The following HMGXB3 variants were observed in gnomAD, a reference collection of about 807,000 sequenced individuals.
The protein encoded by HMGXB3 is HMG domain-containing protein 3.
Under a neutral mutation model 121.5 loss-of-function variants are expected in HMGXB3, and 45 were observed. The ratio of observed to expected loss-of-function variants is 0.37; its 90% CI spans 0.29 to 0.47. The LOEUF is 0.47. Among genes scored for constraint, HMGXB3 ranks in the 20% least tolerant of loss-of-function variants. The pLI, the probability that HMGXB3 is intolerant of heterozygous loss-of-function variation, is 0.99. For synonymous variants in HMGXB3, 590 were observed against 624.1 expected, an observed-to-expected ratio of 0.95 and a Z score of 0.81; for missense variants, 1,376 against 1,602.2, an observed-to-expected ratio of 0.86 and a Z score of 2.41.
In HMGXB3 at chr5:150,006,553, A is replaced by G; in HGVS notation, c.218A>G (p.Asn73Ser). The G allele has an allele frequency of 1.3e-6, 2 of 1,552,214 alleles. No homozygotes were observed. The highest frequency in any genetic ancestry group is 1.7e-6 in the Non-Finnish European group (2 of 1,147,072). The change falls in exon 3 of 20, where the codon AAT becomes AGT. Residue 73 changes from asparagine to serine, a missense_variant. Physicochemically the swap from Asn to Ser is conservative, Grantham distance 46. Around this residue, in one of 2 missense-constraint regions of HMGXB3, gnomAD observed 1,116 missense variants for 1,369.0 expected, o/e 0.82. Transcript: ENST00000502717. ...ELPHLPQSEI[N>S]KKISESWRLL... ...CCCCACCTCCCTCAGTCTGAGATCA[A>G]TAAGAAGATTAGTGAGAGTTGGAGG...
chr5:150,031,346 A>G (rs187837567), intron 10 of HMGXB3, among the ~76,000 whole-genome samples: 108 of 152,354 alleles, frequency 7.1e-4, no homozygotes, highest in Non-Finnish European at 1.1e-3. Flanking sequence ...TAACGTCCTA[A>G]TGGACAAATG....
At chr5:150,040,976 GTC>G (rs1561881896) in intron 14 of HMGXB3, 97 bp downstream of exon 14, 2 of 1,182,440 alleles carry the variant, frequency 1.7e-6, no homozygotes, top group Admixed American at 3.3e-5. Context: ...TTGAAGAAGA[GTC>G]TGATTATTTT....
At chr5:150,032,710 G>A in intron 11 of HMGXB3, 107 bp downstream of exon 11, 4 of 1,313,928 alleles carry the variant, frequency 3.0e-6, no homozygotes, top group Non-Finnish European at 4.2e-6. Flanking sequence ...GGTAGTTAGA[G>A]CATCCAAACT....
chr5:150,002,811 C>A (rs1176229714), intron 1 of HMGXB3, among the ~76,000 whole-genome samples: 1 of 152,226 alleles, frequency 6.6e-6, no homozygotes, highest in East Asian at 1.9e-4. Context: ...TAGATCTGTG[C>A]TGTCTCTAGC....
At chr5:150,010,742 T>G (rs1755811838) in intron 4 of HMGXB3, 134 bp downstream of exon 4, 1 of 886,808 alleles carries the variant, frequency 1.1e-6, no homozygotes. Context: ...TGCAGTTCTC[T>G]TGAATGTGTC....
chr5:150,040,908 G>A, intron 14 of HMGXB3, 29 bp downstream of exon 14: 1 of 1,530,482 alleles, frequency 6.5e-7, no homozygotes, highest in Non-Finnish European at 8.8e-7. Context: ...CCTTTCCCAA[G>A]GTTAGTCCTA....
chr5:150,013,148 A>C (rs904957010), intron 5 of HMGXB3, among the ~76,000 whole-genome samples: 6 of 152,236 alleles, frequency 3.9e-5, no homozygotes, highest in Non-Finnish European at 5.9e-5. Flanking sequence ...AAGAGCAGAC[A>C]TCTTTGTCTT....
chr5:150,047,236 G>A (rs938790109), intron 16 of HMGXB3, among the ~76,000 whole-genome samples: 1 of 152,066 alleles, frequency 6.6e-6, no homozygotes, highest in Non-Finnish European at 1.5e-5. Context: ...TAGTTCTCTT[G>A]TGCTAGCCAG....
intron 11 of HMGXB3, among the ~76,000 whole-genome samples, chr5:150,034,280 C>G (rs1037988523): frequency 3.3e-5 from 5 of 152,160 alleles, no homozygotes; most frequent in South Asian, 2.1e-4. Flanking sequence ...TCTTAACTCC[C>G]TATGAGACCA....
At chr5:150,010,637 G>C (rs1231978903) in intron 4 of HMGXB3, 29 bp downstream of exon 4, 1 of 1,532,616 alleles carries the variant, frequency 6.5e-7, no homozygotes, top group South Asian at 1.2e-5. Context: ...GAAGTCTTTG[G>C]CTTTGTCTGG....
At chr5:150,030,705 G>A (rs949781609) in intron 9 of HMGXB3, 36 bp from the exon 10 acceptor site, 1 of 1,492,006 alleles carries the variant, frequency 6.7e-7, no homozygotes, top group Non-Finnish European at 9.2e-7. Flanking sequence ...TTTGGCTAAG[G>A]TTCAAAAGCA....
At chr5:150,019,829 A>G (rs1441934561) in intron 6 of HMGXB3, among the ~76,000 whole-genome samples, 1 of 152,190 alleles carries the variant, frequency 6.6e-6, no homozygotes, top group Non-Finnish European at 1.5e-5. Flanking sequence ...CTCTGGGGCA[A>G]TTTTCACATC....
At chr5:150,025,351 C>CAT in intron 7 of HMGXB3, among the ~76,000 whole-genome samples, 1 of 152,280 alleles carries the variant, frequency 6.6e-6, no homozygotes, top group Admixed American at 6.5e-5. Context: ...TTATTTGTAT[C>CAT]AATGGTTCTC....
At chr5:150,050,541 G>T in intron 19 of HMGXB3, 80 bp downstream of exon 19, 1 of 1,120,778 alleles carries the variant, frequency 8.9e-7, no homozygotes, top group South Asian at 1.4e-5. Context: ...GAGTGCAGTG[G>T]TGTTATCTCG....
chr5:150,011,593 G>GGTTTTTTTTGTT (rs1561852845), intron 4 of HMGXB3, among the ~76,000 whole-genome samples: 3 of 134,118 alleles, frequency 2.2e-5, no homozygotes, highest in African/African-American at 7.5e-5. Flanking sequence ...GTTGTTGGTT[G>GGTTTTTTTTGTT]TTTTTTTTTG....
chr5:150,026,642 A>G, intron 7 of HMGXB3, 64 bp from the exon 8 acceptor site: 1 of 1,384,786 alleles, frequency 7.2e-7, no homozygotes, highest in East Asian at 2.5e-5. Context: ...CTATGTAGAG[A>G]TTGCGCTTTG....
At position 150,030,807 on chromosome 5, in the gene HMGXB3, C is replaced by T. The variant is rs888659301; in HGVS notation, c.1801C>T (p.Pro601Ser). The T allele has an allele frequency of 3.9e-6, 6 of 1,551,936 alleles. No individual in the cohort carries two copies. The highest frequency in any genetic ancestry group is 3.9e-5 in the Admixed American group (2 of 50,982). The change falls in exon 10 of 20, where the codon CCT becomes TCT. Residue 601 changes from proline (P) to serine (S), a missense_variant. Transcript: ENST00000502717. ...KVVEVKPDMFPPYKYSCTVTL... is the reference protein window; with the variant it reads ...KVVEVKPDMFSPYKYSCTVTL... ...TGTGGAGGTCAAGCCCGATATGTTTCCTCCATATAAGTACAGCTGCACTGT... is the reference window on the plus strand; with the variant it reads ...TGTGGAGGTCAAGCCCGATATGTTTTCTCCATATAAGTACAGCTGCACTGT...
intron 3 of HMGXB3, among the ~76,000 whole-genome samples, chr5:150,008,135 G>A (rs985577578): frequency 1.3e-5 from 2 of 150,300 alleles, no homozygotes; most frequent in East Asian, 2.0e-4. Flanking sequence ...AAAATCCTAC[G>A]TAATCCTGGA....
chr5:150,005,839 G>A (rs1755688465), intron 2 of HMGXB3, among the ~76,000 whole-genome samples: 1 of 152,182 alleles, frequency 6.6e-6, no homozygotes, highest in Non-Finnish European at 1.5e-5. Context: ...AGCACGGAGT[G>A]TGAGTGATAA....
Sources: allele counts gnomAD v4.1 joint callset (sites outside exome capture counted in the v4.1 genomes callset), GRCh38; gene constraint gnomAD v4.1.1; regional missense constraint gnomAD v4.1.1; transcripts MANE v1.5; gene names NCBI Gene and HGNC (gene_info 2026-07-23, HGNC 2026-07-21).